The following PBRM1 variants were observed in gnomAD, a reference collection of about 807,000 sequenced individuals.
The protein encoded by PBRM1 is protein polybromo-1.
Under a neutral mutation model 194.5 loss-of-function variants are expected in PBRM1, and 27 were observed. The ratio of observed to expected loss-of-function variants is 0.14; its 90% confidence interval spans 0.10 to 0.19. The LOEUF is 0.19. Among genes scored for constraint, PBRM1 ranks in the 10% least tolerant of loss-of-function variants. The probability of loss-of-function intolerance (pLI) is 1.00; values close to 1 mark genes in which losing one functional copy is unlikely to be tolerated. For synonymous variants in PBRM1, 655 were observed against 693.2 expected (o/e 0.94, Z 0.87); for missense variants, 1,466 against 2,077.2 (o/e 0.71, Z 5.72).
At chr3:52,560,120 C>G (rs1009737871) in intron 25 of PBRM1, among the ~76,000 whole-genome samples, 2 of 152,122 alleles carry the variant, frequency 1.3e-5, no homozygotes, top group Non-Finnish European at 2.9e-5. Context: ...TTTCAGACTC[C>G]CCTTTGAATT....
At chr3:52,580,606 C>T (rs908955528) in intron 20 of PBRM1, among the ~76,000 whole-genome samples, 1 of 152,170 alleles carries the variant, frequency 6.6e-6, no homozygotes, top group South Asian at 2.1e-4. Flanking sequence ...TCGTGATCCA[C>T]CCGCCTTGGC....
At chr3:52,581,845 C>G (rs984115136) in intron 20 of PBRM1, among the ~76,000 whole-genome samples, 1 of 151,952 alleles carries the variant, frequency 6.6e-6, no homozygotes, top group African/African-American at 2.4e-5. Flanking sequence ...ACCATGTTGG[C>G]CTGGATGGTC....
chr3:52,662,588 G>C (rs2096746131), intron 3 of PBRM1, among the ~76,000 whole-genome samples: 1 of 152,268 alleles, frequency 6.6e-6, no homozygotes, highest in Admixed American at 6.5e-5. Context: ...AGCACTTTGG[G>C]AGGCCAAGGC....
rs2094494344 is a variant in PBRM1, at chr3:52,609,190, TA to T, written c.2567+122del. On this transcript the variant is annotated intron_variant, in intron 16 of 29. Coordinates refer to ENST00000296302, the Ensembl canonical transcript of PBRM1. The surrounding 1 kb of genome is among the most constrained non-coding windows in gnomAD (Gnocchi z 4.1). The stretch of plus-strand genomic sequence containing the variant: ...AGTTCTGGCTGATTAGAATTCAGAA[TA>T]GCATGCTACCAACTACAAATCATGT... 2.6e-6 allele frequency: 2 copies of T among 762,388 alleles called. No individual in the cohort carries two copies. Among genetic ancestry groups the T allele is most frequent in the Middle Eastern group, 7.2e-4 (2 of 2,772 alleles). 47.2% of individuals were successfully genotyped at this position (762,388 alleles called of 1,614,324 possible).
At chr3:52,596,907 T>C (rs996697572) in intron 17 of PBRM1, among the ~76,000 whole-genome samples, 12 of 152,130 alleles carry the variant, frequency 7.9e-5, no homozygotes, top group African/African-American at 1.9e-4. Flanking sequence ...ACTTGCCTAA[T>C]AGTTGTAGTC....
chr3:52,588,835 C>T (rs180845136), intron 18 of PBRM1, among the ~76,000 whole-genome samples: 2 of 152,196 alleles, frequency 1.3e-5, no homozygotes, highest in East Asian at 1.9e-4. Context: ...GGATTACAGG[C>T]GTGAGCCACC....
chr3:52,580,157 T>C (rs2090733274), intron 20 of PBRM1, among the ~76,000 whole-genome samples: 1 of 152,136 alleles, frequency 6.6e-6, no homozygotes. Flanking sequence ...GGAAGATTGC[T>C]TGGGCCTGGC....
chr3:52,603,083 TC>T (rs1469334751), intron 17 of PBRM1, among the ~76,000 whole-genome samples: 1 of 152,248 alleles, frequency 6.6e-6, no homozygotes, highest in African/African-American at 2.4e-5. Flanking sequence ...AAAACTTTTC[TC>T]CAGGTATGTG....
intron 13 of PBRM1, among the ~76,000 whole-genome samples, chr3:52,622,199 T>C (rs2095304433): frequency 6.6e-6 from 1 of 151,562 alleles, no homozygotes; most frequent in African/African-American, 2.4e-5. Context: ...ATTAGCTGGG[T>C]GTGGTGGCGT....
intron 15 of PBRM1, among the ~76,000 whole-genome samples, chr3:52,613,606 C>T (rs377368680): frequency 9.2e-5 from 14 of 152,014 alleles, no homozygotes; most frequent in East Asian, 5.8e-4. Context: ...GGCCTCCGAA[C>T]GCACTGGAAT....
At chr3:52,655,788 C>T (rs993933391) in intron 5 of PBRM1, among the ~76,000 whole-genome samples, 1 of 152,158 alleles carries the variant, frequency 6.6e-6, no homozygotes, top group Non-Finnish European at 1.5e-5. Context: ...CAAGACACAC[C>T]TTTAAATAAC....
chr3:52,672,518 G>T (rs1265167077), intron 2 of PBRM1, among the ~76,000 whole-genome samples: 1 of 116,762 alleles, frequency 8.6e-6, no homozygotes, highest in Non-Finnish European at 1.7e-5. Context: ...TTTTGAGTCA[G>T]AGTTTCACTC....
At chr3:52,578,995 T>C in intron 21 of PBRM1, 59 bp downstream of exon 23, 1 of 1,558,194 alleles carries the variant, frequency 6.4e-7, no homozygotes, top group East Asian at 2.2e-5. Flanking sequence ...GTGACTAATT[T>C]CTACTGGTTC....
intron 4 of PBRM1, among the ~76,000 whole-genome samples, chr3:52,659,627 T>C (rs1369679378): frequency 1.3e-5 from 2 of 152,194 alleles, no homozygotes; most frequent in Admixed American, 6.5e-5. Context: ...CTCACTACAT[T>C]GCCCAGGCTG....
chr3:52,620,051 T>G (rs755511575), intron 13 of PBRM1, among the ~76,000 whole-genome samples: 2 of 152,194 alleles, frequency 1.3e-5, no homozygotes, highest in African/African-American at 2.4e-5. Flanking sequence ...AAAACGTTTG[T>G]TAGATATTTT....
chr3:52,567,109 C>CAT (rs2085490871), intron 22 of PBRM1, among the ~76,000 whole-genome samples: 1 of 148,006 alleles, frequency 6.8e-6, no homozygotes. Flanking sequence ...AATTCTATGA[C>CAT]ATATATATAA....
upstream of PBRM1, among the ~76,000 whole-genome samples, chr3:52,683,855 A>AAAAAC (rs2097259873): frequency 6.6e-6 from 1 of 151,946 alleles, no homozygotes; most frequent in Non-Finnish European, 1.5e-5. Context: ...GACCTTCAAA[A>AAAAAC]AAAAAAGTTT....
intron 22 of PBRM1, among the ~76,000 whole-genome samples, chr3:52,569,780 G>C (rs1357943165): frequency 6.6e-6 from 1 of 152,042 alleles, no homozygotes; most frequent in Non-Finnish European, 1.5e-5. Context: ...TAAGATAATA[G>C]GTTTGTTATT....
chr3:52,618,413 T>G (rs2095086419), intron 13 of PBRM1, among the ~76,000 whole-genome samples: 2 of 152,126 alleles, frequency 1.3e-5, no homozygotes, highest in South Asian at 4.1e-4. Flanking sequence ...CCAAGGTAAG[T>G]TTCCTAGTAA....
Sources: gnomAD v4.1 joint callset for allele counts (sites outside exome capture counted in the v4.1 genomes callset) on GRCh38, gnomAD v4.1.1 for gene constraint, Gnocchi (gnomAD v3.1) non-coding constraint, MANE v1.5 for transcripts, NCBI Gene and HGNC (gene_info 2026-07-23, HGNC 2026-07-21) for gene names.